CTBP2: variants seen among roughly 807,000 people sequenced by gnomAD.
CTBP2 encodes the protein C-terminal-binding protein 2.
In CTBP2, 30 loss-of-function variants were observed where a neutral mutation model predicts 80.3. The observed-to-expected ratio is 0.37, with a 90% CI of 0.28 to 0.51. The LOEUF (loss-of-function observed/expected upper bound fraction) is 0.51, where lower values mean the gene tolerates loss of function less well. Among genes scored for constraint, CTBP2 ranks in the 20% least tolerant of loss-of-function variants. The probability of loss-of-function intolerance (pLI) is 0.93; values close to 1 mark genes in which losing one functional copy is unlikely to be tolerated. For synonymous variants in CTBP2, 594 were observed against 587.4 expected (o/e 1.01, Z -0.16); for missense variants, 1,212 against 1,375.3 (o/e 0.88, Z 1.88).
intron 1 of CTBP2, among the ~76,000 whole-genome samples, chr10:125,018,032 G>A (rs1358216778): frequency 2.6e-5 from 4 of 152,204 alleles, no homozygotes; most frequent in African/African-American, 7.2e-5. Context: ...CTTCCAGCTC[G>A]GACTGGTGTC....
At chr10:125,051,411 G>A (rs542580262) in intron 2 of CTBP2, among the ~76,000 whole-genome samples, 1 of 152,298 alleles carries the variant, frequency 6.6e-6, no homozygotes, top group South Asian at 2.1e-4. Context: ...AGGCCAAGGT[G>A]GGTGGATCAC....
At chr10:125,065,932 T>A (rs1844551260) in intron 2 of CTBP2, among the ~76,000 whole-genome samples, 1 of 151,884 alleles carries the variant, frequency 6.6e-6, no homozygotes, top group Admixed American at 6.6e-5. Flanking sequence ...CGAAACCCTG[T>A]CCTAAGAAAA....
intron 1 of CTBP2, among the ~76,000 whole-genome samples, chr10:125,018,975 C>T (rs557747837): frequency 2.6e-5 from 4 of 152,214 alleles, no homozygotes; most frequent in South Asian, 4.1e-4. Flanking sequence ...CCCAGGGGGC[C>T]GCCCACTCTG....
intron 2 of CTBP2, among the ~76,000 whole-genome samples, chr10:125,086,988 G>A (rs1454624557): frequency 6.6e-6 from 1 of 152,046 alleles, no homozygotes; most frequent in African/African-American, 2.4e-5. Flanking sequence ...TGAATGGATG[G>A]ATGACTGAGT....
chr10:125,046,684 G>A (rs1961343762), intron 2 of CTBP2, among the ~76,000 whole-genome samples: 1 of 152,104 alleles, frequency 6.6e-6, no homozygotes, highest in Non-Finnish European at 1.5e-5. Flanking sequence ...AAGTTACACA[G>A]AGTAAGAAAC....
chr10:125,088,695 A>G (rs1205004330), intron 2 of CTBP2, among the ~76,000 whole-genome samples: 1 of 152,076 alleles, frequency 6.6e-6, no homozygotes, highest in East Asian at 1.9e-4. Flanking sequence ...TCCGTTGGCT[A>G]GAAATCAATA....
intron 3 of CTBP2, 85 bp from the exon 6 acceptor site, chr10:124,998,255 G>A (rs1953925826): frequency 1.3e-6 from 2 of 1,484,490 alleles, no homozygotes; most frequent in South Asian, 1.3e-5. Context: ...GCCCTCCTGA[G>A]ACTCGGTTGT....
chr10:125,027,766 A>C lies in CTBP2; in HGVS notation c.-7T>G. 1 of 1,564,404 alleles carries C rather than the reference A, an allele frequency of 6.4e-7. No homozygotes were observed. Among genetic ancestry groups the C allele is most frequent in the South Asian group, 1.2e-5 (1 of 86,764 alleles). On this transcript the variant is annotated 5_prime_UTR_variant, in exon 1 of 9. Coordinates refer to ENST00000309035, the MANE Select transcript of CTBP2 (RefSeq NM_022802.3). ...GCCTGCTGGGAACTGGCATTGGAAAAAAAATGACTGCGGATGAGGCAGAGG... is the reference window on the plus strand; with the variant it reads ...GCCTGCTGGGAACTGGCATTGGAAACAAAATGACTGCGGATGAGGCAGAGG...
intron 2 of CTBP2, 59 bp from the exon 3 acceptor site, chr10:125,039,214 G>A: frequency 1.7e-6 from 1 of 585,726 alleles, no homozygotes; most frequent in Non-Finnish European, 3.0e-6. Context: ...CAGGACAACA[G>A]CTCACTGGGG....
In CTBP2 at chr10:125,083,338, G is replaced by C. The variant is rs11245495; in HGVS notation, c.-102+27652C>G. On this transcript the variant is annotated intron_variant, in intron 2 of 10. Coordinates refer to the CTBP2 transcript ENST00000337195. ...AAAAAAGAGTCTCCCTGTCGTGCCA[G>C]ATGGGGTCAACTACTCGGTGAAAAC... is the stretch of plus-strand genomic sequence containing the variant. 3.7e-4 allele frequency among the ~76,000 whole-genome samples: 57 copies of C among 152,262 alleles called. No individual in the cohort carries two copies. In the East Asian group the frequency reaches 0.011, roughly 30 times the overall value.
chr10:125,123,566 C>T (rs1356534929), intron 1 of CTBP2, among the ~76,000 whole-genome samples: 1 of 152,216 alleles, frequency 6.6e-6, no homozygotes, highest in African/African-American at 2.4e-5. Flanking sequence ...ATGCTGGGCA[C>T]TAAGTAGGGC....
At chr10:125,015,363 G>A (rs1343347571) in intron 1 of CTBP2, among the ~76,000 whole-genome samples, 1 of 152,244 alleles carries the variant, frequency 6.6e-6, no homozygotes, top group Non-Finnish European at 1.5e-5. Flanking sequence ...AAGAAGCACT[G>A]CTGGTTTTCA....
intron 8 of CTBP2, among the ~76,000 whole-genome samples, chr10:124,991,308 G>A (rs1036770389): frequency 3.9e-5 from 6 of 152,122 alleles, no homozygotes; most frequent in Non-Finnish European, 8.8e-5. Context: ...AAGGACTCTG[G>A]TCATTAGGGT....
At chr10:125,141,161 T>A (rs1390039962) in intron 1 of CTBP2, among the ~76,000 whole-genome samples, 2 of 149,486 alleles carry the variant, frequency 1.3e-5, no homozygotes, top group East Asian at 4.0e-4. Flanking sequence ...AAAGAATAAA[T>A]AAAAATAAAA....
upstream of CTBP2, chr10:125,160,788 G>A (rs2133562857): frequency 7.2e-6 from 1 of 138,200 alleles, no homozygotes; most frequent in East Asian, 2.2e-4. Context: ...GGGCTGCGCT[G>A]GGGGTCCCCG....
intron 1 of CTBP2, among the ~76,000 whole-genome samples, chr10:125,148,815 T>A (rs1859283882): frequency 6.6e-6 from 1 of 152,232 alleles, no homozygotes; most frequent in African/African-American, 2.4e-5. Flanking sequence ...ACTTTAATTG[T>A]GAAATCTCCT....
At chr10:125,094,023 C>T (rs1004867087) in intron 2 of CTBP2, among the ~76,000 whole-genome samples, 5 of 152,160 alleles carry the variant, frequency 3.3e-5, no homozygotes, top group Admixed American at 6.5e-5. Flanking sequence ...CTTGAGATTG[C>T]GAGGAGAAAC....
chr10:125,051,576 C>G (rs1342335279), intron 2 of CTBP2, among the ~76,000 whole-genome samples: 2 of 151,812 alleles, frequency 1.3e-5, no homozygotes, highest in African/African-American at 4.8e-5. Flanking sequence ...GGGGACAGAG[C>G]TTGCAGTGAA....
chr10:125,007,423 A>C (rs984403823), intron 1 of CTBP2, among the ~76,000 whole-genome samples: 1 of 152,256 alleles, frequency 6.6e-6, no homozygotes, highest in African/African-American at 2.4e-5. Flanking sequence ...TCAGTCAAAA[A>C]CAAAGACAAC....
Sources: allele counts gnomAD v4.1 joint callset (sites outside exome capture counted in the v4.1 genomes callset), GRCh38; gene constraint gnomAD v4.1.1; transcripts MANE v1.5; gene names NCBI Gene and HGNC (gene_info 2026-07-23, HGNC 2026-07-21).